The following PHACTR2 variants were observed in gnomAD, a reference collection of about 807,000 sequenced individuals.
PHACTR2 encodes the protein chromosome 6 open reading frame 56.
A neutral mutation model predicts 76.0 loss-of-function variants in PHACTR2; 30 were observed. The observed-to-expected ratio is 0.39, with a 90% CI of 0.30 to 0.54. PHACTR2 has a LOEUF of 0.54. Among genes scored for constraint, PHACTR2 ranks in the 20% least tolerant of loss-of-function variants. The pLI, the probability that PHACTR2 is intolerant of heterozygous loss-of-function variation, is 0.61. For synonymous variants in PHACTR2, 292 were observed against 292.5 expected, an observed-to-expected ratio of 1.00 and a Z score of 0.02; for missense variants, 696 against 781.1, an observed-to-expected ratio of 0.89 and a Z score of 1.30.
chr6:143,586,059 C>G (rs1562242404), intron 1 of PHACTR2, among the ~76,000 whole-genome samples: 2 of 151,974 alleles, frequency 1.3e-5, no homozygotes, highest in Non-Finnish European at 2.9e-5. Context: ...TATTTTTTTT[C>G]TGGTGGTAAT....
rs1428267095 is a variant in PHACTR2, at chr6:143,611,517, T to C, written c.13+3195T>C. On this transcript the variant is annotated intron_variant, in intron 1 of 11. Coordinates refer to the PHACTR2 transcript ENST00000305766. This position sits in a 1 kb window ranked among gnomAD's most constrained non-coding sequence, Gnocchi z 4.4. ...CATCCCAGTGACTGTGAACAAGTAA[T>C]AGAAACTCTATGCATTTAATTTTCT... Among the ~76,000 whole-genome samples, 1 of 152,168 alleles carries C rather than the reference T, an allele frequency of 6.6e-6. No homozygotes were observed. The highest frequency in any genetic ancestry group is 1.5e-5 in the Non-Finnish European group (1 of 68,032).
chr6:143,689,723 C>T lies in PHACTR2; in HGVS notation c.46+11514C>T, dbSNP rs528544566. Among the ~76,000 whole-genome samples, 21 of 141,668 alleles carry T rather than the reference C, an allele frequency of 1.5e-4. No individual in the cohort carries two copies. The highest frequency in any genetic ancestry group is 5.1e-4 in the African/African-American group (19 of 37,300). 92.9% of individuals were successfully genotyped at this position (141,668 alleles called of 152,430 possible). ...TTTTTTTTTTTTTGAGATGGAGTGT[C>T]GCTCTGTTGCCCAGGCTGGAGTGCA... On this transcript the variant is annotated intron_variant, in intron 1 of 12. Transcript: ENST00000440869. This position sits in a 1 kb window ranked among gnomAD's most constrained non-coding sequence, Gnocchi z 4.4.
chr6:143,770,027 C>A (rs533169458), intron 6 of PHACTR2, among the ~76,000 whole-genome samples: 3 of 152,146 alleles, frequency 2.0e-5, no homozygotes, highest in African/African-American at 2.4e-5. Flanking sequence ...TAATTGAAAG[C>A]AGGCACTTGA....
Position 143,618,055 on chromosome 6 carries a change from A to G in PHACTR2, c.13+9733A>G, listed in dbSNP as rs1223642364. 3.3e-5 allele frequency among the ~76,000 whole-genome samples: 5 copies of G among 152,200 alleles called. No individual in the cohort carries two copies. Among genetic ancestry groups the G allele is most frequent in the African/African-American group, 4.8e-5 (2 of 41,448 alleles). On this transcript the variant is annotated intron_variant, in intron 1 of 11. Transcript: ENST00000305766. The surrounding 1 kb of genome is among the most constrained non-coding windows in gnomAD (Gnocchi z 5.2). The stretch of plus-strand genomic sequence containing the variant: ...AACATCTCTTGTCAAATTCTGTATA[A>G]TAGAAGAGGTACATTATTAGACCCC...
chr6:143,669,921 A>G (rs1160051368), intron 1 of PHACTR2, among the ~76,000 whole-genome samples: 1 of 152,146 alleles, frequency 6.6e-6, no homozygotes, highest in Admixed American at 6.5e-5. Context: ...ATAGCCTGTT[A>G]GTTGATGCAG....
chr6:143,598,998 A>G lies in PHACTR2; in HGVS notation c.217+61791A>G, dbSNP rs1330351705. On this transcript the variant is annotated intron_variant, in intron 1 of 11. Coordinates refer to the PHACTR2 transcript ENST00000367584. The surrounding 1 kb of genome is among the most constrained non-coding windows in gnomAD (Gnocchi z 4.1). ...GCATCTCACCCCTGACTCTTTTAGAACAATGATGGCAGTGGGAGGAGTCAG... is the reference window on the plus strand; with the variant it reads ...GCATCTCACCCCTGACTCTTTTAGAGCAATGATGGCAGTGGGAGGAGTCAG... Among the ~76,000 whole-genome samples, 2 of 152,216 alleles carry G rather than the reference A, an allele frequency of 1.3e-5. No homozygotes were observed. The highest frequency in any genetic ancestry group is 2.9e-5 in the Non-Finnish European group (2 of 68,042).
rs1372815716 is a variant in PHACTR2, at chr6:143,664,973, T to C, written c.14-47043T>C. 6.6e-6 allele frequency among the ~76,000 whole-genome samples: 1 copy of C among 152,038 alleles called. No individual in the cohort carries two copies. Among genetic ancestry groups the C allele is most frequent in the Non-Finnish European group, 1.5e-5 (1 of 67,994 alleles). On this transcript the variant is annotated intron_variant, in intron 1 of 11. Coordinates refer to the PHACTR2 transcript ENST00000305766. This position sits in a 1 kb window ranked among gnomAD's most constrained non-coding sequence, Gnocchi z 5.1. ...GCCACCACACCCGGCTATTTTCTTGTATTTTTAGTAGAGATGGGGTTTCAC... is the reference window on the plus strand; with the variant it reads ...GCCACCACACCCGGCTATTTTCTTGCATTTTTAGTAGAGATGGGGTTTCAC...
chr6:143,766,808 G>A (rs1477354168), intron 6 of PHACTR2, among the ~76,000 whole-genome samples: 1 of 152,096 alleles, frequency 6.6e-6, no homozygotes, highest in East Asian at 1.9e-4. Flanking sequence ...CTACTTACAG[G>A]TAAATAAAAC....
At chr6:143,814,565 T>C (rs1184037845) in intron 12 of PHACTR2, among the ~76,000 whole-genome samples, 1 of 145,434 alleles carries the variant, frequency 6.9e-6, no homozygotes, top group Non-Finnish European at 1.6e-5. Context: ...AGGTCAACTG[T>C]ATATACGTAT....
In PHACTR2 at chr6:143,659,398, G is replaced by A. The variant is rs757986614; in HGVS notation, c.13+51076G>A. On this transcript the variant is annotated intron_variant, in intron 1 of 11. Coordinates refer to the PHACTR2 transcript ENST00000305766. The surrounding 1 kb of genome is among the most constrained non-coding windows in gnomAD (Gnocchi z 5.0). ...GGTGTCAGGGTCTCATGAAGCTGCA[G>A]TCAAGGTGTCAGTAGGGATGTCGTC... Among the ~76,000 whole-genome samples, 2 of 152,212 alleles carry A rather than the reference G, an allele frequency of 1.3e-5. No homozygotes were observed. The highest frequency in any genetic ancestry group is 2.9e-5 in the Non-Finnish European group (2 of 68,034).
intron 1 of PHACTR2, among the ~76,000 whole-genome samples, chr6:143,615,674 T>C (rs936697835): frequency 1.3e-5 from 2 of 152,200 alleles, no homozygotes; most frequent in African/African-American, 4.8e-5. Context: ...ATTAGAGTCA[T>C]TAACAAAAAT....
rs1450617144 is a variant in PHACTR2 at position 143,683,993 on chromosome 6, C to A, written c.46+5784C>A. Among the ~76,000 whole-genome samples the A allele has an allele frequency of 6.6e-6, 1 of 152,158 alleles. No individual in the cohort carries two copies. The highest frequency in any genetic ancestry group is 1.5e-5 in the Non-Finnish European group (1 of 68,032). On this transcript the variant is annotated intron_variant, in intron 1 of 12. Coordinates refer to ENST00000440869, the MANE Select transcript of PHACTR2 (RefSeq NM_001100164.2). The surrounding 1 kb of genome is among the most constrained non-coding windows in gnomAD (Gnocchi z 4.1). ...AACTTGAAAATACTTCCAACTTGTT[C>A]TCTTTAATTCTATAAATGAACACTA... is the stretch of plus-strand genomic sequence containing the variant.
At chr6:143,720,456 A>G (rs1414293500) in intron 2 of PHACTR2, among the ~76,000 whole-genome samples, 1 of 152,152 alleles carries the variant, frequency 6.6e-6, no homozygotes, top group Non-Finnish European at 1.5e-5. Context: ...AGGGAAGGGA[A>G]AGCACTGAGA....
chr6:143,802,667 A>T (rs1055222696), intron 11 of PHACTR2, among the ~76,000 whole-genome samples: 6 of 151,518 alleles, frequency 4.0e-5, no homozygotes, highest in Non-Finnish European at 8.8e-5. Flanking sequence ...AAAAAAAATC[A>T]GTCCTAATTA....
At chr6:143,786,774 A>C (rs1775565218) in intron 10 of PHACTR2, among the ~76,000 whole-genome samples, 1 of 152,196 alleles carries the variant, frequency 6.6e-6, no homozygotes, top group African/African-American at 2.4e-5. Flanking sequence ...AGACTCATTC[A>C]CTATCACGAG....
intron 1 of PHACTR2, among the ~76,000 whole-genome samples, chr6:143,636,215 A>G (rs547659490): frequency 1.3e-3 from 66 of 49,000 alleles, no homozygotes; most frequent in African/African-American, 3.3e-3. Context: ...CCTGTCTCAG[A>G]AAAAAAAAAA....
chr6:143,626,079 G>T (rs1455555693), intron 1 of PHACTR2, among the ~76,000 whole-genome samples: 3 of 152,166 alleles, frequency 2.0e-5, no homozygotes, highest in Non-Finnish European at 2.9e-5. Context: ...TTGCTTAAAT[G>T]CTTTTAAGTT....
Position 143,698,565 on chromosome 6 carries a change from T to C in PHACTR2, c.47-13451T>C, listed in dbSNP as rs958061932. Among the ~76,000 whole-genome samples the C allele has an allele frequency of 3.3e-5, 5 of 152,186 alleles. No individual in the cohort carries two copies. Among genetic ancestry groups the C allele is most frequent in the African/African-American group, 1.2e-4 (5 of 41,452 alleles). On this transcript the variant is annotated intron_variant, in intron 1 of 12. Coordinates refer to ENST00000440869, the MANE Select transcript of PHACTR2 (RefSeq NM_001100164.2). This position sits in a 1 kb window ranked among gnomAD's most constrained non-coding sequence, Gnocchi z 4.3. ...CCTCAAACAATTTTACCCTGAATTT[T>C]AACTCATAATTTGGAGGCCATCTTG...
chr6:143,747,810 T>C (rs1779098100), intron 2 of PHACTR2, among the ~76,000 whole-genome samples: 1 of 152,186 alleles, frequency 6.6e-6, no homozygotes, highest in African/African-American at 2.4e-5. Context: ...TCAGGATTAA[T>C]AGATGACATG....
Sources: allele counts gnomAD v4.1 joint callset (sites outside exome capture counted in the v4.1 genomes callset), GRCh38; gene constraint gnomAD v4.1.1; non-coding constraint Gnocchi (gnomAD v3.1); transcripts MANE v1.5; gene names NCBI Gene and HGNC (gene_info 2026-07-23, HGNC 2026-07-21).